The following NALF1 variants were observed in gnomAD, a reference collection of about 807,000 sequenced individuals.
NALF1 encodes NALCN channel auxiliary factor 1.
In NALF1, 3 loss-of-function variants were observed where a neutral mutation model predicts 48.4. The ratio of observed to expected loss-of-function variants is 0.06; its 90% CI spans 0.03 to 0.16. The LOEUF (loss-of-function observed/expected upper bound fraction) is 0.16. NALF1 is among the 10% of genes least tolerant of loss of function. NALF1 has a pLI of 1.00. For missense variants in NALF1, 526 were observed against 571.5 expected (o/e 0.92, Z 0.81); for synonymous variants, 262 against 245.7 (o/e 1.07, Z -0.62).
At chr13:107,193,740 T>G (rs1190285711) in intron 2 of NALF1, among the ~76,000 whole-genome samples, 1 of 152,134 alleles carries the variant, frequency 6.6e-6, no homozygotes. Context: ...TAGCGCCACG[T>G]GTCTATGAAA....
At chr13:107,257,766 G>A (rs926236976) in intron 1 of NALF1, among the ~76,000 whole-genome samples, 1 of 152,100 alleles carries the variant, frequency 6.6e-6, no homozygotes, top group African/African-American at 2.4e-5. Context: ...AGGACTGTAG[G>A]GACTGTGATG....
At chr13:107,258,959 G>T (rs538422661) in intron 1 of NALF1, among the ~76,000 whole-genome samples, 2 of 152,076 alleles carry the variant, frequency 1.3e-5, no homozygotes, top group East Asian at 3.9e-4. Context: ...GAGCCACTGC[G>T]CCCTGCCCAG....
chr13:107,833,299 T>C (rs1173538057), intron 1 of NALF1, among the ~76,000 whole-genome samples: 2 of 152,192 alleles, frequency 1.3e-5, no homozygotes, highest in Admixed American at 1.3e-4. Flanking sequence ...CCTTAATTGA[T>C]ATGTATTGAA....
chr13:107,262,247 T>A (rs1037006316), intron 1 of NALF1, among the ~76,000 whole-genome samples: 10 of 152,020 alleles, frequency 6.6e-5, no homozygotes, highest in South Asian at 2.1e-4. Context: ...AAACCCCATC[T>A]TTACCAAAAA....
intron 1 of NALF1, among the ~76,000 whole-genome samples, chr13:107,713,845 T>C (rs771410341): frequency 3.9e-5 from 6 of 152,210 alleles, no homozygotes; most frequent in Non-Finnish European, 4.4e-5. Context: ...CAAGTACAGC[T>C]CTGCATGATT....
intron 1 of NALF1, among the ~76,000 whole-genome samples, chr13:107,532,464 G>C (rs540333950): frequency 3.9e-5 from 6 of 152,078 alleles, no homozygotes; most frequent in Non-Finnish European, 7.4e-5. Flanking sequence ...GTTCATTCTA[G>C]TGGTGTGTGC....
Position 107,292,958 on chromosome 13 carries a change from G to A in NALF1, c.916-82203C>T, listed in dbSNP as rs551070777. 8.0e-5 allele frequency among the ~76,000 whole-genome samples: 12 copies of A among 150,742 alleles called. No homozygotes were observed. The South Asian group carries it at 1.7e-3, about 21-fold the overall frequency. ...ATGGCTAAGACGTCACTAGGCAATA[G>A]GCATTTTTCAGCTCCGTTATAGTTT... On this transcript the variant is annotated intron_variant, in intron 1 of 2. Transcript: ENST00000375915.
At chr13:107,705,517 T>C (rs1881927876) in intron 1 of NALF1, among the ~76,000 whole-genome samples, 1 of 150,374 alleles carries the variant, frequency 6.7e-6, no homozygotes, top group South Asian at 2.1e-4. Flanking sequence ...TATACATATA[T>C]ATATATATAT....
chr13:107,612,121 G>GGGGGAGA (rs1879245844), intron 1 of NALF1, among the ~76,000 whole-genome samples: 1 of 55,300 alleles, frequency 1.8e-5, no homozygotes, highest in African/African-American at 7.2e-5. Context: ...AGGGGAGGGG[G>GGGGGAGA]GAGGGGAGGA....
At chr13:107,437,654 T>A (rs1884484733) in intron 1 of NALF1, among the ~76,000 whole-genome samples, 1 of 152,162 alleles carries the variant, frequency 6.6e-6, no homozygotes, top group Non-Finnish European at 1.5e-5. Flanking sequence ...AGAAAAAGTG[T>A]CAGAACAGCC....
Position 107,514,463 on chromosome 13 carries a change from T to TA in NALF1, c.916-303709dup, listed in dbSNP as rs373300261. Among the ~76,000 whole-genome samples the TA allele has an allele frequency of 2.8e-5, 3 of 107,304 alleles. No homozygotes were observed. The South Asian group carries it at 9.2e-4, about 33-fold the overall frequency. 70.4% of individuals were successfully genotyped at this position (107,304 alleles called of 152,430 possible). On this transcript the variant is annotated intron_variant, in intron 1 of 2. Transcript: ENST00000375915. The stretch of plus-strand genomic sequence containing the variant: ...TATCTATCTATCTATCTATCTAATC[T>TA]ACCTATCTATAAATCAATTTTTTTT...
intron 1 of NALF1, among the ~76,000 whole-genome samples, chr13:107,319,876 T>C (rs561312951): frequency 2.8e-4 from 42 of 152,064 alleles, no homozygotes; most frequent in African/African-American, 9.6e-4. Flanking sequence ...CTTAGGTGAG[T>C]GGGTGAAAAG....
chr13:107,650,220 C>T (rs1880415609), intron 1 of NALF1, among the ~76,000 whole-genome samples: 1 of 151,916 alleles, frequency 6.6e-6, no homozygotes, highest in African/African-American at 2.4e-5. Flanking sequence ...GTCGATAGTG[C>T]CTGTCTAGGA....
intron 1 of NALF1, among the ~76,000 whole-genome samples, chr13:107,677,299 C>G (rs888539089): frequency 3.3e-5 from 5 of 152,162 alleles, no homozygotes; most frequent in Non-Finnish European, 7.3e-5. Context: ...GCCTCAGCCT[C>G]CCAAAGTGCT....
intron 1 of NALF1, among the ~76,000 whole-genome samples, chr13:107,529,668 C>G (rs964142438): frequency 6.6e-6 from 1 of 152,124 alleles, no homozygotes; most frequent in Non-Finnish European, 1.5e-5. Flanking sequence ...GCTTGGCTCC[C>G]ATTGCAATGT....
intron 1 of NALF1, among the ~76,000 whole-genome samples, chr13:107,669,209 C>T (rs559031599): frequency 3.3e-5 from 5 of 152,162 alleles, no homozygotes; most frequent in African/African-American, 1.2e-4. Context: ...TCAGGAGAGA[C>T]TCAATATAAT....
intron 1 of NALF1, among the ~76,000 whole-genome samples, chr13:107,726,408 C>A (rs1390737722): frequency 1.3e-5 from 2 of 151,974 alleles, no homozygotes; most frequent in Non-Finnish European, 2.9e-5. Flanking sequence ...TGCTGTCTCA[C>A]AAAACCAAAT....
intron 1 of NALF1, among the ~76,000 whole-genome samples, chr13:107,528,080 T>C (rs1876502630): frequency 6.6e-6 from 1 of 152,068 alleles, no homozygotes; most frequent in East Asian, 1.9e-4. Context: ...AAAATGCGAG[T>C]ATATATAAAC....
intron 1 of NALF1, among the ~76,000 whole-genome samples, chr13:107,342,186 C>A (rs537874993): frequency 3.9e-5 from 6 of 152,054 alleles, no homozygotes; most frequent in Non-Finnish European, 8.8e-5. Context: ...ATGGAACAAA[C>A]AAATCATTTG....
Sources: gnomAD v4.1 joint callset for allele counts (sites outside exome capture counted in the v4.1 genomes callset) on GRCh38, gnomAD v4.1.1 for gene constraint, MANE v1.5 for transcripts, NCBI Gene and HGNC (gene_info 2026-07-23, HGNC 2026-07-21) for gene names.